Variants in GULP1 observed in about 807,000 individuals in gnomAD.
The protein encoded by GULP1 is GULP PTB domain containing engulfment adaptor 1, also known as PTB domain-containing engulfment adapter protein 1.
In GULP1, 19 loss-of-function variants were observed where a neutral mutation model predicts 40.9. That is an observed-to-expected ratio of 0.46 (90% confidence interval 0.32 to 0.68). GULP1 has a LOEUF of 0.68. Ranked by LOEUF, GULP1 falls within the 30% of genes least tolerant of loss-of-function variation. GULP1 has a pLI of 0.03. For missense variants in GULP1, 312 were observed against 362.2 expected (o/e 0.86, Z 1.12); for synonymous variants, 119 against 117.6 (o/e 1.01, Z -0.08).
chr2:188,589,212 G>C (rs190767929), intron 11 of GULP1: 1 of 152,126 alleles, frequency 6.6e-6, no homozygotes, highest in African/African-American at 2.4e-5. Flanking sequence ...AATACAGGAC[G>C]GATGATCTTA....
At chr2:188,479,835 T>C (rs761929450) in intron 3 of GULP1, among the ~76,000 whole-genome samples, 1 of 152,126 alleles carries the variant, frequency 6.6e-6, no homozygotes, top group African/African-American at 2.4e-5. Flanking sequence ...ATATTTGTCT[T>C]ATTTGAACAC....
intron 2 of GULP1, among the ~76,000 whole-genome samples, chr2:188,449,573 A>G (rs950428202): frequency 8.5e-5 from 13 of 152,234 alleles, no homozygotes; most frequent in Non-Finnish European, 1.8e-4. Flanking sequence ...ATTGTGAGAT[A>G]TCATTACTTC....
intron 7 of GULP1, among the ~76,000 whole-genome samples, chr2:188,562,299 A>G (rs1370234555): frequency 6.6e-6 from 1 of 152,154 alleles, no homozygotes; most frequent in African/African-American, 2.4e-5. Flanking sequence ...GCATGATTCC[A>G]TGATGCAGAT....
At chr2:188,518,201 A>G (rs1460534134) in intron 4 of GULP1, among the ~76,000 whole-genome samples, 1 of 152,102 alleles carries the variant, frequency 6.6e-6, no homozygotes, top group Non-Finnish European at 1.5e-5. Context: ...CCAAGGCAAA[A>G]GATTTAAGTG....
At chr2:188,550,769 T>C (rs1693258120) in intron 7 of GULP1, among the ~76,000 whole-genome samples, 1 of 151,642 alleles carries the variant, frequency 6.6e-6, no homozygotes, top group Admixed American at 6.6e-5. Context: ...TTAATAATTT[T>C]TGAATCACAT....
chr2:188,586,270 T>A (rs995840961), intron 10 of GULP1, among the ~76,000 whole-genome samples: 4 of 152,112 alleles, frequency 2.6e-5, no homozygotes, highest in African/African-American at 9.7e-5. Flanking sequence ...TATAAGTGAG[T>A]CACTCCAAGT....
intron 1 of GULP1, among the ~76,000 whole-genome samples, chr2:188,369,716 A>G (rs941850228): frequency 6.6e-6 from 1 of 152,158 alleles, no homozygotes; most frequent in African/African-American, 2.4e-5. Flanking sequence ...CTACTGCTTT[A>G]TAACATCTGT....
intron 2 of GULP1, among the ~76,000 whole-genome samples, chr2:188,393,600 G>A (rs573942476): frequency 1.2e-4 from 18 of 152,108 alleles, no homozygotes; most frequent in African/African-American, 2.4e-4. Flanking sequence ...GTGAAGTACC[G>A]TTCCAGTTAT....
At chr2:188,591,267 A>G (rs951760043) in intron 11 of GULP1, 3 of 152,126 alleles carry the variant, frequency 2.0e-5, no homozygotes, top group Non-Finnish European at 2.9e-5. Context: ...TTTTTAAACT[A>G]ATAATCAATC....
chr2:188,580,552 C>CA (rs35794163), intron 9 of GULP1, among the ~76,000 whole-genome samples: 2,191 of 121,280 alleles, frequency 0.018, 60 homozygotes, highest in African/African-American at 0.06. Flanking sequence ...GACTCCGTCT[C>CA]AAAAAAAAAA....
intron 1 of GULP1, among the ~76,000 whole-genome samples, chr2:188,316,678 C>T (rs1004151068): frequency 2.2e-4 from 34 of 152,250 alleles, no homozygotes; most frequent in African/African-American, 7.9e-4. Context: ...AATCACAACT[C>T]CTTGGTATTT....
At chr2:188,422,371 G>A (rs2055560578) in intron 2 of GULP1, among the ~76,000 whole-genome samples, 1 of 150,088 alleles carries the variant, frequency 6.7e-6, no homozygotes, top group Admixed American at 6.7e-5. Context: ...TACTTGCACA[G>A]GTACATATGT....
intron 5 of GULP1, among the ~76,000 whole-genome samples, chr2:188,524,406 A>G (rs887042702): frequency 1.3e-5 from 2 of 152,122 alleles, no homozygotes; most frequent in African/African-American, 4.8e-5. Flanking sequence ...ATTAGGTAGT[A>G]TAGTTTAAAA....
intron 4 of GULP1, among the ~76,000 whole-genome samples, chr2:188,499,893 T>C (rs987302810): frequency 1.1e-4 from 16 of 151,904 alleles, no homozygotes; most frequent in African/African-American, 3.9e-4. Context: ...AAGAGAAAGC[T>C]GTTTTCGGGA....
chr2:188,410,564 TAC>T (rs1434656265), intron 2 of GULP1, among the ~76,000 whole-genome samples: 1 of 152,090 alleles, frequency 6.6e-6, no homozygotes, highest in East Asian at 1.9e-4. Context: ...GAAGAAAACA[TAC>T]AGATGACCAA....
chr2:188,479,114 G>A (rs2061254712), intron 3 of GULP1, among the ~76,000 whole-genome samples: 1 of 152,116 alleles, frequency 6.6e-6, no homozygotes, highest in South Asian at 2.1e-4. Flanking sequence ...TGAATTCCAA[G>A]AAAGTCAGGT....
intron 2 of GULP1, among the ~76,000 whole-genome samples, chr2:188,411,717 C>G (rs964176734): frequency 2.6e-5 from 4 of 152,194 alleles, no homozygotes; most frequent in African/African-American, 7.2e-5. Flanking sequence ...AGTTCCTGAC[C>G]ATCCAGCCAA....
chr2:188,584,524 G>A, intron 10 of GULP1, 121 bp downstream of exon 10: 2 of 431,170 alleles, frequency 4.6e-6, no homozygotes, highest in Non-Finnish European at 8.1e-6. Context: ...AATTATTAAA[G>A]TATTATTTTT....
chr2:188,331,163 C>A (rs2152048509), intron 1 of GULP1, among the ~76,000 whole-genome samples: 1 of 152,126 alleles, frequency 6.6e-6, no homozygotes, highest in Non-Finnish European at 1.5e-5. Context: ...ATAATTGAGC[C>A]TTAGCATTCT....
Sources: gnomAD v4.1 joint callset for allele counts (sites outside exome capture counted in the v4.1 genomes callset) on GRCh38, gnomAD v4.1.1 for gene constraint, MANE v1.5 for transcripts, NCBI Gene and HGNC (gene_info 2026-07-23, HGNC 2026-07-21) for gene names.